The following LIMS1 variants were observed in gnomAD, a reference collection of about 807,000 sequenced individuals.
LIMS1 encodes LIM and senescent cell antigen-like-containing domain protein 1.
LIMS1 carries 18 observed loss-of-function variants against 44.1 expected under a neutral mutation model. The observed-to-expected ratio is 0.41, with a 90% CI of 0.28 to 0.61. The LOEUF (loss-of-function observed/expected upper bound fraction) is 0.61, where lower values mean the gene tolerates loss of function less well. Among genes scored for constraint, LIMS1 ranks in the 20% least tolerant of loss-of-function variants. The pLI, the probability that LIMS1 is intolerant of heterozygous loss-of-function variation, is 0.32. For synonymous variants in LIMS1, 93 were observed against 149.1 expected (o/e 0.62, Z 2.74); for missense variants, 201 against 422.0 (o/e 0.48, Z 4.59).
intron 1 of LIMS1, among the ~76,000 whole-genome samples, chr2:108,566,896 C>T (rs1051040039): frequency 3.9e-5 from 6 of 152,080 alleles, no homozygotes; most frequent in Non-Finnish European, 7.3e-5. Flanking sequence ...TGCACCTGGC[C>T]CATCGTAACA....
rs1342265173 is a variant in LIMS1 at position 108,659,217 on chromosome 2, T to C, written c.33-388T>C. 369 of 808,080 alleles carry C rather than the reference T, an allele frequency of 4.6e-4. 3 individuals are homozygous for C. The African/African-American group carries it at 6.4e-3, about 14-fold the overall frequency. The allele number at this position is 808,080 out of a possible 1,614,324, so 50.1% of individuals were successfully genotyped here. On this transcript the variant is annotated intron_variant, in intron 1 of 9. Transcript: ENST00000544547. ...TTCTCAGAAGGGAAAGAAACTGGCC[T>C]TGAGATGTTGACTTTTGGATATTTT...
At chr2:108,566,802 G>T (rs929673514) in intron 1 of LIMS1, among the ~76,000 whole-genome samples, 1 of 152,052 alleles carries the variant, frequency 6.6e-6, no homozygotes. Flanking sequence ...TCGCCATGTT[G>T]GCCAGGCTGG....
At chr2:108,667,920 T>A (rs1691896802) in intron 2 of LIMS1, among the ~76,000 whole-genome samples, 1 of 152,256 alleles carries the variant, frequency 6.6e-6, no homozygotes, top group South Asian at 2.1e-4. Context: ...ACTGTGTTTT[T>A]AAATTTGTAT....
chr2:108,569,203 T>G (rs746788735), intron 1 of LIMS1, among the ~76,000 whole-genome samples: 9 of 152,184 alleles, frequency 5.9e-5, no homozygotes, highest in Non-Finnish European at 1.0e-4. Flanking sequence ...GTTGTTGTTC[T>G]TCAGGTACAG....
intron 1 of LIMS1, among the ~76,000 whole-genome samples, chr2:108,627,001 CTTT>C: frequency 6.6e-6 from 1 of 152,294 alleles, no homozygotes; most frequent in South Asian, 2.1e-4. Context: ...CCATTTTAAT[CTTT>C]TAAACCGTAT....
At chr2:108,679,919 G>C (rs1049033520) in intron 8 of LIMS1, among the ~76,000 whole-genome samples, 4 of 151,748 alleles carry the variant, frequency 2.6e-5, no homozygotes, top group Non-Finnish European at 5.9e-5. Flanking sequence ...CAAAAGAAAA[G>C]AAGCTCTCAG....
chr2:108,641,155 T>A (rs1413496284), intron 1 of LIMS1, among the ~76,000 whole-genome samples: 1 of 152,186 alleles, frequency 6.6e-6, no homozygotes, highest in African/African-American at 2.4e-5. Context: ...TCTGAAACGA[T>A]GTATTTTAGA....
intron 8 of LIMS1, 24 bp downstream of exon 8, chr2:108,678,051 A>C: frequency 6.2e-7 from 1 of 1,608,790 alleles, no homozygotes; most frequent in South Asian, 1.1e-5. Flanking sequence ...TGAGTTTTAG[A>C]TTGGTGCCAC....
At chr2:108,581,583 G>A (rs549754817) in intron 1 of LIMS1, among the ~76,000 whole-genome samples, 2 of 152,188 alleles carry the variant, frequency 1.3e-5, no homozygotes, top group African/African-American at 4.8e-5. Context: ...AGAGCTTAGG[G>A]GCTTTTAGGA....
intron 1 of LIMS1, among the ~76,000 whole-genome samples, chr2:108,640,160 A>G (rs1482910991): frequency 2.6e-5 from 4 of 152,154 alleles, no homozygotes; most frequent in South Asian, 4.1e-4. Context: ...GAGCGTCACA[A>G]GAGTGTCTGA....
intron 1 of LIMS1, among the ~76,000 whole-genome samples, chr2:108,548,335 CT>C (rs958738677): frequency 1.3e-5 from 2 of 150,906 alleles, no homozygotes; most frequent in African/African-American, 4.9e-5. Context: ...GAATTGAGAA[CT>C]TTTTTGTCTT....
chr2:108,579,635 C>T (rs1685812001), intron 1 of LIMS1, among the ~76,000 whole-genome samples: 1 of 152,208 alleles, frequency 6.6e-6, no homozygotes, highest in Admixed American at 6.5e-5. Flanking sequence ...TTACACTTCC[C>T]TGAATACTCA....
At chr2:108,674,278 T>C (rs535268189) in intron 5 of LIMS1, among the ~76,000 whole-genome samples, 113 of 151,546 alleles carry the variant, frequency 7.5e-4, no homozygotes, top group Non-Finnish European at 1.3e-3. Context: ...TGCAGTGAGC[T>C]GAGATCGCAC....
intron 1 of LIMS1, among the ~76,000 whole-genome samples, chr2:108,646,075 A>G (rs1269418233): frequency 6.6e-6 from 1 of 152,202 alleles, no homozygotes; most frequent in East Asian, 1.9e-4. Context: ...CACTGTCAAT[A>G]TTAGATCAAT....
rs115571944 is a variant in LIMS1 at position 108,643,127 on chromosome 2, A to G, written c.33-16478A>G. Among the ~76,000 whole-genome samples the G allele has an allele frequency of 3.0e-3, 464 of 152,354 alleles. 1 individual carries two copies. Among genetic ancestry groups the G allele is most frequent in the African/African-American group, 8.8e-3 (365 of 41,582 alleles). ...CATGTGGGGTTCAGACCTGTCCTGT[A>G]GGATCTCCCAAAGACCCAACTTAGC... On this transcript the variant is annotated intron_variant, in intron 1 of 9. Coordinates refer to ENST00000544547, the Ensembl canonical transcript of LIMS1.
At chr2:108,627,400 GTTTTT>G (rs58261864) in intron 1 of LIMS1, among the ~76,000 whole-genome samples, 2 of 107,052 alleles carry the variant, frequency 1.9e-5, no homozygotes, top group Non-Finnish European at 3.8e-5. Context: ...TCCCTTTCTG[GTTTTT>G]TTTTTTTTTT....
chr2:108,551,188 C>T (rs545130366), intron 1 of LIMS1, among the ~76,000 whole-genome samples: 166 of 151,644 alleles, frequency 1.1e-3, no homozygotes, highest in Non-Finnish European at 2.0e-3. Flanking sequence ...CTATAAAATT[C>T]ACTTGTTGCA....
At chr2:108,683,539 CA>C (rs35864001) in intron 9 of LIMS1, among the ~76,000 whole-genome samples, 50 of 105,938 alleles carry the variant, frequency 4.7e-4, no homozygotes, top group Middle Eastern at 5.6e-3. Flanking sequence ...GCTCTGTTTC[CA>C]AAAAAAAAAA....
At chr2:108,634,810 C>T (rs974271868) in intron 1 of LIMS1, among the ~76,000 whole-genome samples, 1 of 152,228 alleles carries the variant, frequency 6.6e-6, no homozygotes, top group Non-Finnish European at 1.5e-5. Flanking sequence ...CACGGCCAGG[C>T]GCAGCAGAGC....
Sources: allele counts gnomAD v4.1 joint callset (sites outside exome capture counted in the v4.1 genomes callset), GRCh38; gene constraint gnomAD v4.1.1; transcripts MANE v1.5; gene names NCBI Gene and HGNC (gene_info 2026-07-23, HGNC 2026-07-21).